The following FBXO16 variants were observed in gnomAD, a reference collection of about 807,000 sequenced individuals.
FBXO16 encodes F-box only protein 16.
FBXO16 carries 31 observed loss-of-function variants against 41.0 expected under a neutral mutation model. The ratio of observed to expected loss-of-function variants is 0.76; its 90% CI spans 0.57 to 1.02. The LOEUF (loss-of-function observed/expected upper bound fraction) is 1.02. Among genes scored for constraint, FBXO16 ranks in the 50% least tolerant of loss-of-function variants. The pLI, the probability that FBXO16 is intolerant of heterozygous loss-of-function variation, is 0.00. For missense variants in FBXO16, 361 were observed against 346.2 expected (o/e 1.04, Z -0.34); for synonymous variants, 133 against 117.8 (o/e 1.13, Z -0.84).
In FBXO16 at chr8:28,456,905, G is replaced by C. The variant is rs756939626; in HGVS notation, c.368C>G (p.Ala123Gly). 5.0e-5 allele frequency: 80 copies of C among 1,613,494 alleles called. No individual in the cohort carries two copies. Among genetic ancestry groups the C allele is most frequent in the Middle Eastern group, 1.6e-4 (1 of 6,080 alleles). The part of the protein sequence containing the change: ...AQVCWHWKNL[A>G]ELDQLWMLKC... ...CAGCATCCAGAGCTGGTCCAGCTCAGCAAGGTTCTTCCAATGCCAGCACAC... is the reference window on the plus strand; with the variant it reads ...CAGCATCCAGAGCTGGTCCAGCTCACCAAGGTTCTTCCAATGCCAGCACAC... The change falls in exon 5 of 9, where the codon GCT becomes GGT. Residue 123 changes from alanine (A) to glycine (G), a missense_variant. Transcript: ENST00000380254.
At chr8:28,453,235 A>T (rs1211047441) in intron 5 of FBXO16, among the ~76,000 whole-genome samples, 1 of 149,390 alleles carries the variant, frequency 6.7e-6, no homozygotes, top group Non-Finnish European at 1.5e-5. Context: ...ATTTGAATAC[A>T]GGACTGTCTT....
At chr8:28,459,627 AAT>A (rs1803092566) in intron 4 of FBXO16, among the ~76,000 whole-genome samples, 1 of 94,048 alleles carries the variant, frequency 1.1e-5, no homozygotes, top group Non-Finnish European at 2.2e-5. Flanking sequence ...TCTCAAAAAT[AAT>A]AATAATAATA....
chr8:28,463,287 T>C (rs73557219), intron 4 of FBXO16, among the ~76,000 whole-genome samples: 8 of 151,950 alleles, frequency 5.3e-5, no homozygotes, highest in African/African-American at 1.7e-4. Flanking sequence ...CATGTGTATA[T>C]GTATGTTTGT....
Position 28,473,870 on chromosome 8 carries a change from G to A in FBXO16, c.100-63C>T, listed in dbSNP as rs1423939178. The A allele has an allele frequency of 4.1e-6, 5 of 1,221,782 alleles. No individual in the cohort carries two copies. In the Admixed American group the frequency reaches 1.0e-4, roughly 25 times the overall value. 75.7% of individuals were successfully genotyped at this position (1,221,782 alleles called of 1,614,324 possible). ...CCATAGTTCAAAATACCCATTACAA[G>A]AAAGATACCATTAAGGGATCGGTGA... On this transcript the variant is annotated intron_variant, in intron 2 of 8. Coordinates refer to ENST00000380254, the MANE Select transcript of FBXO16 (RefSeq NM_172366.4).
intron 4 of FBXO16, among the ~76,000 whole-genome samples, chr8:28,463,236 T>G (rs548665010): frequency 2.1e-5 from 3 of 140,190 alleles, no homozygotes; most frequent in Non-Finnish European, 4.4e-5. Context: ...GTGTGTGTGT[T>G]TGTGTACACG....
chr8:28,449,909 T>C (rs955035536), intron 6 of FBXO16, among the ~76,000 whole-genome samples: 1 of 148,004 alleles, frequency 6.8e-6, no homozygotes, highest in South Asian at 2.1e-4. Context: ...GAGGCAGAGG[T>C]TGCAGTGAGC....
chr8:28,478,338 G>C (rs550299903), intron 2 of FBXO16, among the ~76,000 whole-genome samples: 1 of 152,266 alleles, frequency 6.6e-6, no homozygotes, highest in South Asian at 2.1e-4. Flanking sequence ...GCTGCTGGTT[G>C]ACAGGTACAA....
chr8:28,439,528 G>A (rs1802732898), intron 7 of FBXO16, among the ~76,000 whole-genome samples: 4 of 152,070 alleles, frequency 2.6e-5, no homozygotes, highest in South Asian at 2.1e-4. Flanking sequence ...GCTTGAGGCC[G>A]GGAGTTTGGG....
chr8:28,464,353 A>G (rs1373857433), intron 3 of FBXO16, among the ~76,000 whole-genome samples: 2 of 152,238 alleles, frequency 1.3e-5, no homozygotes, highest in African/African-American at 4.8e-5. Flanking sequence ...GGACTTGAAG[A>G]GAGGAAGTGA....
intron 3 of FBXO16, chr8:28,465,518 G>A (rs1440120337): frequency 2.8e-6 from 1 of 352,126 alleles, no homozygotes; most frequent in South Asian, 2.1e-5. Flanking sequence ...AGGAGGCTGA[G>A]GTGGGAGAAT....
intron 4 of FBXO16, among the ~76,000 whole-genome samples, chr8:28,459,620 C>CAAAAAA (rs1203607328): frequency 3.0e-4 from 29 of 95,312 alleles, no homozygotes; most frequent in African/African-American, 8.5e-4. Context: ...GACCCTGTCT[C>CAAAAAA]AAAAATAATA....
chr8:28,460,684 T>C (rs1234289141), intron 4 of FBXO16, among the ~76,000 whole-genome samples: 1 of 151,884 alleles, frequency 6.6e-6, no homozygotes, highest in African/African-American at 2.4e-5. Flanking sequence ...CTTGGCCTCT[T>C]AAAGTGCTAG....
intron 5 of FBXO16, among the ~76,000 whole-genome samples, chr8:28,453,930 G>A (rs535424499): frequency 2.6e-5 from 4 of 152,060 alleles, no homozygotes; most frequent in East Asian, 1.9e-4. Flanking sequence ...TTGGGAGGCC[G>A]AGGAGGGTGG....
At chr8:28,438,008 C>T (rs1405772763) in intron 7 of FBXO16, among the ~76,000 whole-genome samples, 1 of 152,176 alleles carries the variant, frequency 6.6e-6, no homozygotes, top group African/African-American at 2.4e-5. Context: ...GCAACTGTTT[C>T]TTACACAGTG....
intron 3 of FBXO16, among the ~76,000 whole-genome samples, chr8:28,467,622 A>G (rs916311713): frequency 2.0e-5 from 3 of 152,248 alleles, no homozygotes; most frequent in African/African-American, 7.2e-5. Context: ...ATGTTTGTAC[A>G]TTGACAAGGA....
chr8:28,447,014 G>C, intron 7 of FBXO16, 157 bp downstream of exon 7: 1 of 610,730 alleles, frequency 1.6e-6, no homozygotes, highest in Non-Finnish European at 2.8e-6. Context: ...TATCTTCAAG[G>C]TCATGGCTTC....
intron 3 of FBXO16, among the ~76,000 whole-genome samples, chr8:28,471,409 C>CCCTT (rs541211337): frequency 9.2e-5 from 14 of 151,434 alleles, no homozygotes; most frequent in East Asian, 5.8e-4. Context: ...TCCTTATTTC[C>CCCTT]CCTTCCTTCC....
chr8:28,430,895 C>T (rs1802595551), intron 7 of FBXO16, among the ~76,000 whole-genome samples: 1 of 152,102 alleles, frequency 6.6e-6, no homozygotes, highest in Admixed American at 6.5e-5. Flanking sequence ...TCTCTTGAAC[C>T]TGGGAGGCAG....
chr8:28,444,345 C>A (rs1802827137), intron 7 of FBXO16, among the ~76,000 whole-genome samples: 3 of 150,482 alleles, frequency 2.0e-5, no homozygotes, highest in Admixed American at 1.3e-4. Flanking sequence ...CTCTGTCACC[C>A]AGGCTGGAGT....
Sources: allele counts gnomAD v4.1 joint callset (sites outside exome capture counted in the v4.1 genomes callset), GRCh38; gene constraint gnomAD v4.1.1; transcripts MANE v1.5; gene names NCBI Gene and HGNC (gene_info 2026-07-23, HGNC 2026-07-21).